Variants in HHLA2 observed in about 807,000 individuals in gnomAD.
HHLA2 encodes the protein HERV-H LTR-associating protein 2.
A neutral mutation model predicts 45.9 loss-of-function variants in HHLA2; 48 were observed. The ratio of observed to expected loss-of-function variants is 1.05; its 90% CI spans 0.83 to 1.33. The LOEUF (loss-of-function observed/expected upper bound fraction) is 1.33, where lower values mean the gene tolerates loss of function less well. Among genes scored for constraint, HHLA2 ranks in the 40% most tolerant of loss-of-function variants. HHLA2 has a pLI of 0.00. For synonymous variants in HHLA2, 161 were observed against 173.9 expected, an observed-to-expected ratio of 0.93 and a Z score of 0.59; for missense variants, 462 against 494.3, an observed-to-expected ratio of 0.93 and a Z score of 0.62.
intron 8 of HHLA2, among the ~76,000 whole-genome samples, chr3:108,368,650 G>A (rs577004610): frequency 5.8e-4 from 87 of 149,208 alleles, no homozygotes; most frequent in African/African-American, 2.0e-3. Flanking sequence ...GTTACATAAT[G>A]GTAAAGGGAT....
chr3:108,305,702 G>A (rs1340779664), intron 1 of HHLA2, among the ~76,000 whole-genome samples: 1 of 152,166 alleles, frequency 6.6e-6, no homozygotes, highest in Non-Finnish European at 1.5e-5. Flanking sequence ...GGCACTCTCA[G>A]GGCAAATGAC....
At chr3:108,376,663 T>C (rs1576193173) in intron 10 of HHLA2, 106 bp downstream of exon 9, 1 of 989,070 alleles carries the variant, frequency 1.0e-6, no homozygotes, top group South Asian at 1.5e-5. Flanking sequence ...AAGACTTTTA[T>C]ACAGAAAAAA....
intron 2 of HHLA2, among the ~76,000 whole-genome samples, chr3:108,314,384 C>G (rs1188565149): frequency 6.6e-6 from 1 of 151,790 alleles, no homozygotes; most frequent in Non-Finnish European, 1.5e-5. Flanking sequence ...CTTAGGCTGG[C>G]CTTTTTTCCA....
At chr3:108,329,122 A>G (rs1433931025) in intron 3 of HHLA2, among the ~76,000 whole-genome samples, 1 of 152,182 alleles carries the variant, frequency 6.6e-6, no homozygotes, top group Non-Finnish European at 1.5e-5. Flanking sequence ...TTACCCTGGA[A>G]TAAATGTAGA....
chr3:108,355,307 C>T, exon 6 of HHLA2: 2 of 1,613,782 alleles, frequency 1.2e-6, no homozygotes, highest in Non-Finnish European at 1.7e-6. Flanking sequence ...ATTACAGGAT[C>T]AAATTCATCT....
intron 6 of HHLA2, among the ~76,000 whole-genome samples, chr3:108,357,046 C>A (rs144077697): frequency 0.014 from 2,208 of 152,278 alleles, 29 homozygotes; most frequent in Non-Finnish European, 0.02. Context: ...AGATGAAAGA[C>A]CTTTTACACG....
intron 2 of HHLA2, among the ~76,000 whole-genome samples, chr3:108,316,389 G>A (rs1346213475): frequency 3.3e-5 from 5 of 152,122 alleles, no homozygotes; most frequent in African/African-American, 7.2e-5. Context: ...TAAATCTATC[G>A]ATATATAACT....
intron 3 of HHLA2, among the ~76,000 whole-genome samples, chr3:108,333,598 C>CAAAAA: frequency 9.2e-6 from 1 of 108,280 alleles, no homozygotes; most frequent in African/African-American, 3.5e-5. Context: ...TCTCAGTAAC[C>CAAAAA]AAAAAAAAAA....
intron 3 of HHLA2, among the ~76,000 whole-genome samples, chr3:108,331,813 AT>A (rs1391339808): frequency 6.6e-6 from 1 of 152,100 alleles, no homozygotes; most frequent in African/African-American, 2.4e-5. Flanking sequence ...AGAATAGTCC[AT>A]TTTTTCCCTA....
chr3:108,373,323 C>T (rs547534107), intron 8 of HHLA2, among the ~76,000 whole-genome samples: 2 of 152,274 alleles, frequency 1.3e-5, no homozygotes, highest in African/African-American at 2.4e-5. Flanking sequence ...ACTGAGGGGA[C>T]GTATCTCAGA....
At chr3:108,362,475 C>A in intron 8 of HHLA2, 29 bp downstream of exon 7, 1 of 1,393,340 alleles carries the variant, frequency 7.2e-7, no homozygotes, top group Non-Finnish European at 1.0e-6. Context: ...CTCTGCCCCA[C>A]GTGTTCCACA....
chr3:108,377,160 G>A (rs945487366), intron 10 of HHLA2, 98 bp from the exon 10 acceptor site: 30 of 760,788 alleles, frequency 3.9e-5, no homozygotes, highest in Non-Finnish European at 4.2e-5. Context: ...GCTTTTTGCC[G>A]CCCACCCCAA....
At chr3:108,328,345 C>G in exon 3 of HHLA2, 2 of 1,528,636 alleles carry the variant, frequency 1.3e-6, no homozygotes, top group Non-Finnish European at 1.8e-6. Context: ...CGCACCTCCT[C>G]TGGTAAGTAG....
intron 1 of HHLA2, among the ~76,000 whole-genome samples, chr3:108,310,175 T>C (rs778007041): frequency 4.6e-5 from 7 of 152,128 alleles, no homozygotes; most frequent in Non-Finnish European, 1.5e-5. Flanking sequence ...CTTATATTTA[T>C]CTAGATCAGA....
intron 8 of HHLA2, among the ~76,000 whole-genome samples, chr3:108,365,242 A>G (rs943561244): frequency 5.3e-5 from 8 of 152,216 alleles, no homozygotes; most frequent in African/African-American, 1.7e-4. Flanking sequence ...AGCACCATTT[A>G]TTAAACAGGG....
intron 1 of HHLA2, among the ~76,000 whole-genome samples, chr3:108,310,244 C>T (rs1250998483): frequency 6.6e-6 from 1 of 151,920 alleles, no homozygotes; most frequent in African/African-American, 2.4e-5. Flanking sequence ...TTATATTAGT[C>T]CCAGTTTTGA....
At chr3:108,341,745 A>G (rs189428283) in intron 3 of HHLA2, among the ~76,000 whole-genome samples, 11 of 152,328 alleles carry the variant, frequency 7.2e-5, no homozygotes, top group African/African-American at 2.2e-4. Flanking sequence ...TAAATGTATT[A>G]CTTAATTAAC....
At chr3:108,359,162 G>T (rs1420303909) in intron 7 of HHLA2, among the ~76,000 whole-genome samples, 1 of 151,638 alleles carries the variant, frequency 6.6e-6, no homozygotes, top group African/African-American at 2.4e-5. Context: ...GCCTCATGTT[G>T]GATTAATTTT....
chr3:108,353,448 T>C (rs761222441), exon 5 of HHLA2: 1 of 1,583,826 alleles, frequency 6.3e-7, no homozygotes, highest in African/African-American at 1.3e-5. Flanking sequence ...TTGGCTTTCT[T>C]CATTTATGTT....
Sources: gnomAD v4.1 joint callset for allele counts (sites outside exome capture counted in the v4.1 genomes callset) on GRCh38, gnomAD v4.1.1 for gene constraint, MANE v1.5 for transcripts, NCBI Gene and HGNC (gene_info 2026-07-23, HGNC 2026-07-21) for gene names.